The following GPR149 variants were observed in gnomAD, a reference collection of about 807,000 sequenced individuals.
The protein encoded by GPR149 is probable G protein-coupled receptor 149.
A neutral mutation model predicts 50.2 loss-of-function variants in GPR149; 50 were observed. The observed-to-expected ratio is 1.00, with a 90% CI of 0.79 to 1.26. The LOEUF (loss-of-function observed/expected upper bound fraction) is 1.26, where lower values mean the gene tolerates loss of function less well. Ranked by LOEUF, GPR149 falls within the 50% of genes most tolerant of loss-of-function variation. The pLI, the probability that GPR149 is intolerant of heterozygous loss-of-function variation, is 0.00. For missense variants in GPR149, 983 were observed against 895.4 expected (o/e 1.10, Z -1.25); for synonymous variants, 405 against 358.2 (o/e 1.13, Z -1.48).
chr3:154,426,302 TA>T (rs971062760), intron 2 of GPR149, among the ~76,000 whole-genome samples: 1 of 152,200 alleles, frequency 6.6e-6, no homozygotes, highest in Non-Finnish European at 1.5e-5. Flanking sequence ...CTAGACATTC[TA>T]AATATTAAAT....
At chr3:154,374,468 C>G (rs1714746488) in intron 3 of GPR149, among the ~76,000 whole-genome samples, 1 of 152,080 alleles carries the variant, frequency 6.6e-6, no homozygotes, top group Non-Finnish European at 1.5e-5. Context: ...TGAACACACT[C>G]AGCCCAAAAG....
chr3:154,337,594 C>A lies in GPR149; in HGVS notation c.*105G>T. On this transcript the variant is annotated 3_prime_UTR_variant, in exon 4 of 4. Coordinates refer to ENST00000389740, the MANE Select transcript of GPR149 (RefSeq NM_001038705.3). ...AAAATTAACTATTAAATCAGTAAAA[C>A]TAATGTAAGCCAACAAATAAAAGGA... 1.1e-6 allele frequency: 1 copy of A among 941,094 alleles called. No homozygotes were observed. The highest frequency in any genetic ancestry group is 1.6e-5 in the African/African-American group (1 of 61,172). The allele number at this position is 941,094 out of a possible 1,614,324, so 58.3% of individuals were successfully genotyped here.
At chr3:154,350,361 TA>T (rs1334827714) in intron 3 of GPR149, among the ~76,000 whole-genome samples, 1 of 152,118 alleles carries the variant, frequency 6.6e-6, no homozygotes, top group African/African-American at 2.4e-5. Context: ...TCACAGGATA[TA>T]AGATACATGT....
At chr3:154,372,611 A>C (rs961298785) in intron 3 of GPR149, among the ~76,000 whole-genome samples, 1 of 152,176 alleles carries the variant, frequency 6.6e-6, no homozygotes, top group Non-Finnish European at 1.5e-5. Flanking sequence ...TGAAGGGGAC[A>C]CCATTATTTT....
chr3:154,394,552 A>C (rs1188002288), intron 3 of GPR149, among the ~76,000 whole-genome samples: 1 of 152,146 alleles, frequency 6.6e-6, no homozygotes, highest in Non-Finnish European at 1.5e-5. Flanking sequence ...GAAATACATG[A>C]AACTAAAAAG....
intron 3 of GPR149, among the ~76,000 whole-genome samples, chr3:154,408,525 T>C (rs1711754316): frequency 6.6e-6 from 1 of 152,074 alleles, no homozygotes; most frequent in East Asian, 1.9e-4. Flanking sequence ...GTGGGCTGCA[T>C]TTGGGAGAGG....
chr3:154,336,121 A>G lies in GPR149; in HGVS notation c.*1578T>C, dbSNP rs1713651505. On this transcript the variant is annotated 3_prime_UTR_variant, in exon 4 of 4. Coordinates refer to ENST00000389740, the MANE Select transcript of GPR149 (RefSeq NM_001038705.3). ...ATTTGACTTTGAATTTATATGTTAC[A>G]CATTATTTGAGGCTTGCTTTACAAA... The G allele has an allele frequency of 6.6e-6, 1 of 152,114 alleles. No homozygotes were observed. The highest frequency in any genetic ancestry group is 2.1e-4 in the South Asian group (1 of 4,838). 9.4% of individuals were successfully genotyped at this position (152,114 alleles called of 1,614,324 possible).
At chr3:154,380,794 C>T (rs1309894078) in intron 3 of GPR149, among the ~76,000 whole-genome samples, 1 of 152,164 alleles carries the variant, frequency 6.6e-6, no homozygotes, top group Non-Finnish European at 1.5e-5. Context: ...AATTCAAGCT[C>T]AGTATCTTTT....
In GPR149 at chr3:154,398,399, G is replaced by T. The variant is rs962270153; in HGVS notation, c.1623+22640C>A. ...AAAAAAAGTTTCACTGGAGAAGAAA[G>T]TTGCTTTTAGTAAATTGTGTCAATT... On this transcript the variant is annotated intron_variant, in intron 3 of 3. Transcript: ENST00000389740. 3.3e-5 allele frequency among the ~76,000 whole-genome samples: 5 copies of T among 152,122 alleles called. No individual in the cohort carries two copies. The East Asian group carries it at 5.8e-4, about 18-fold the overall frequency.
intron 3 of GPR149, among the ~76,000 whole-genome samples, chr3:154,357,831 A>T (rs1383085155): frequency 6.6e-6 from 1 of 152,244 alleles, no homozygotes; most frequent in African/African-American, 2.4e-5. Flanking sequence ...CTATAAAGAC[A>T]CATGCACACG....
rs745749273 is a variant in GPR149 at position 154,428,840 on chromosome 3, G to T, written c.776C>A (p.Pro259Gln). Residue 259 changes from proline to glutamine, a missense_variant, in exon 1 of 4, where the codon CCG (proline) becomes CAG (glutamine). Pro to Gln is a moderately conservative substitution (Grantham distance 76). Coordinates refer to ENST00000389740, the MANE Select transcript of GPR149 (RefSeq NM_001038705.3). ...GCATCCCCCAGAGCGCCGCAGACTCGGGCCTGGAGCATCCTCTGGGGACAG... is the reference window on the plus strand; with the variant it reads ...GCATCCCCCAGAGCGCCGCAGACTCTGGCCTGGAGCATCCTCTGGGGACAG... Reference protein sequence around the residue: ...VSLSPEDAPGPSLRRSGGCSP... With the variant: ...VSLSPEDAPGQSLRRSGGCSP... 87 of 1,613,540 alleles carry T rather than the reference G, an allele frequency of 5.4e-5. 1 individual carries two copies. Among genetic ancestry groups the T allele is most frequent in the Non-Finnish European group, 6.9e-5 (82 of 1,179,860 alleles).
intron 3 of GPR149, among the ~76,000 whole-genome samples, chr3:154,346,274 G>A (rs1317968263): frequency 2.6e-5 from 4 of 152,148 alleles, no homozygotes; most frequent in Non-Finnish European, 5.9e-5. Flanking sequence ...CAAGAACTTT[G>A]TGAGAAAAAC....
chr3:154,377,507 CA>C (rs1463178829), intron 3 of GPR149, among the ~76,000 whole-genome samples: 1 of 151,814 alleles, frequency 6.6e-6, no homozygotes, highest in Non-Finnish European at 1.5e-5. Flanking sequence ...GCTGGGACTA[CA>C]GGCGTGCGCC....
chr3:154,353,764 A>G (rs1375586280), intron 3 of GPR149: 1 of 763,512 alleles, frequency 1.3e-6, no homozygotes, highest in Non-Finnish European at 2.3e-6. Context: ...GGGGATGGCA[A>G]AAAAGAATGT....
intron 3 of GPR149, among the ~76,000 whole-genome samples, chr3:154,405,306 T>C (rs926872760): frequency 6.6e-6 from 1 of 152,100 alleles, no homozygotes; most frequent in African/African-American, 2.4e-5. Flanking sequence ...AGAGTGAATA[T>C]GGCCAGGTGT....
chr3:154,357,348 A>C (rs1714262272), intron 3 of GPR149, among the ~76,000 whole-genome samples: 1 of 152,210 alleles, frequency 6.6e-6, no homozygotes, highest in South Asian at 2.1e-4. Flanking sequence ...TAATTAAACT[A>C]AAGAGCTTCT....
intron 3 of GPR149, among the ~76,000 whole-genome samples, chr3:154,405,663 T>C (rs1215679253): frequency 6.7e-6 from 1 of 148,466 alleles, no homozygotes; most frequent in East Asian, 2.0e-4. Flanking sequence ...ATAAAGACGA[T>C]AACTCACTGT....
intron 3 of GPR149, among the ~76,000 whole-genome samples, chr3:154,419,820 T>C (rs1264556561): frequency 6.6e-6 from 1 of 152,026 alleles, no homozygotes; most frequent in Non-Finnish European, 1.5e-5. Flanking sequence ...AATTCCCCTC[T>C]TAGCTAGGGA....
At chr3:154,398,038 C>CA (rs1715334917) in intron 3 of GPR149, among the ~76,000 whole-genome samples, 1 of 143,188 alleles carries the variant, frequency 7.0e-6, no homozygotes, top group African/African-American at 2.6e-5. Flanking sequence ...ATGTGCTACA[C>CA]ATTCTTTATA....
Sources: gnomAD v4.1 joint callset for allele counts (sites outside exome capture counted in the v4.1 genomes callset) on GRCh38, gnomAD v4.1.1 for gene constraint, MANE v1.5 for transcripts, NCBI Gene and HGNC (gene_info 2026-07-23, HGNC 2026-07-21) for gene names.